Variants in ARHGAP44 observed in about 807,000 individuals in gnomAD.
The protein encoded by ARHGAP44 is rho GTPase-activating protein 44.
A neutral mutation model predicts 106.8 loss-of-function variants in ARHGAP44; 43 were observed. The observed-to-expected ratio is 0.40, with a 90% CI of 0.32 to 0.52. The LOEUF (loss-of-function observed/expected upper bound fraction) is 0.52, where lower values mean the gene tolerates loss of function less well. Ranked by LOEUF, ARHGAP44 falls within the 20% of genes least tolerant of loss-of-function variation. The pLI, the probability that ARHGAP44 is intolerant of heterozygous loss-of-function variation, is 0.48. For missense variants in ARHGAP44, 866 were observed against 1,050.5 expected, an observed-to-expected ratio of 0.82 and a Z score of 2.43; for synonymous variants, 439 against 410.3, an observed-to-expected ratio of 1.07 and a Z score of -0.85.
At chr17:12,941,672 A>G (rs2038712628) in intron 8 of ARHGAP44, among the ~76,000 whole-genome samples, 1 of 152,202 alleles carries the variant, frequency 6.6e-6, no homozygotes, top group Admixed American at 6.5e-5. Flanking sequence ...TGATAGGTAT[A>G]TGATGATTGA....
chr17:12,977,360 G>T (rs888768681), intron 18 of ARHGAP44, among the ~76,000 whole-genome samples: 3 of 151,898 alleles, frequency 2.0e-5, no homozygotes, highest in African/African-American at 7.3e-5. Context: ...TCGAGTGGCC[G>T]GATTCTCGTT....
intron 20 of ARHGAP44, chr17:12,988,257 G>A (rs533498649): frequency 1.3e-5 from 2 of 152,352 alleles, no homozygotes; most frequent in Middle Eastern, 3.4e-3. Flanking sequence ...ATTCATCACC[G>A]CCCTGTATTA....
At chr17:12,896,275 CAAAAA>C (rs139465622) in intron 2 of ARHGAP44, 127 bp from the exon 3 acceptor site, 1 of 708,058 alleles carries the variant, frequency 1.4e-6, no homozygotes, top group Non-Finnish European at 2.3e-6. Flanking sequence ...AACAAACAAA[CAAAAA>C]AACAAAGCTG....
At position 12,958,731 on chromosome 17, in the gene ARHGAP44, A is replaced by G. The variant is rs776985306; in HGVS notation, c.1357A>G (p.Ile453Val). Residue 453 changes from isoleucine to valine, a missense_variant, in exon 16 of 21, where the codon ATT (isoleucine) becomes GTT (valine). This residue lies in a region of ARHGAP44 where 448 missense variants were observed against 646.9 expected (regional missense o/e 0.69). Transcript: ENST00000379672. This position sits in a 1 kb window ranked among gnomAD's most constrained non-coding sequence, Gnocchi z 4.1. ...CTTCCCCGCAGAGATAGAGTTCAAC[A>G]TTACTGGCAATTATGGGAGTCCAGT... ...WFFPGEIEFNITGNYGSPVHV... is the reference protein window; with the variant it reads ...WFFPGEIEFNVTGNYGSPVHV... The G allele has an allele frequency of 2.5e-6, 4 of 1,613,824 alleles. No individual in the cohort carries two copies. The highest frequency in any genetic ancestry group is 4.5e-5 in the East Asian group (2 of 44,890).
intron 1 of ARHGAP44, among the ~76,000 whole-genome samples, chr17:12,876,024 A>T (rs1265375781): frequency 6.6e-6 from 1 of 152,238 alleles, no homozygotes; most frequent in African/African-American, 2.4e-5. Context: ...AGTTAGAGCT[A>T]GAAGCTCTAA....
chr17:12,895,023 T>C (rs1387251473), intron 2 of ARHGAP44, 44 bp downstream of exon 2: 1 of 1,554,558 alleles, frequency 6.4e-7, no homozygotes, highest in Non-Finnish European at 8.7e-7. Context: ...CAGAGATATA[T>C]GGGAGGCTGA....
intron 6 of ARHGAP44, among the ~76,000 whole-genome samples, chr17:12,926,938 G>A (rs923373098): frequency 5.9e-5 from 9 of 151,928 alleles, no homozygotes; most frequent in African/African-American, 2.2e-4. Flanking sequence ...ATGGCATCTC[G>A]TATTTTATTC....
intron 16 of ARHGAP44, among the ~76,000 whole-genome samples, chr17:12,962,572 G>A (rs1366002200): frequency 1.3e-5 from 2 of 152,094 alleles, no homozygotes; most frequent in Non-Finnish European, 2.9e-5. Context: ...TTATTAAGAG[G>A]GAGGCAGAGA....
At chr17:12,954,062 G>GTTTT (rs79278587) in intron 13 of ARHGAP44, among the ~76,000 whole-genome samples, 2 of 139,790 alleles carry the variant, frequency 1.4e-5, no homozygotes, top group African/African-American at 2.6e-5. Context: ...TAATTTTTGT[G>GTTTT]TTTTTTTTTT....
At chr17:12,804,026 G>A (rs1248438228) in intron 1 of ARHGAP44, among the ~76,000 whole-genome samples, 1 of 152,188 alleles carries the variant, frequency 6.6e-6, no homozygotes, top group African/African-American at 2.4e-5. Context: ...GGATGATAGG[G>A]CATCCAAAGG....
intron 12 of ARHGAP44, among the ~76,000 whole-genome samples, chr17:12,950,546 G>A (rs185007188): frequency 6.6e-6 from 1 of 152,182 alleles, no homozygotes; most frequent in African/African-American, 2.4e-5. Context: ...TCGGTTATGC[G>A]TGCATTAGGA....
intron 1 of ARHGAP44, among the ~76,000 whole-genome samples, chr17:12,816,099 G>C (rs1213030654): frequency 6.6e-6 from 1 of 152,140 alleles, no homozygotes; most frequent in Non-Finnish European, 1.5e-5. Flanking sequence ...ATTTGGAACA[G>C]TACCTTAGTT....
chr17:12,977,762 G>A (rs569946717), intron 18 of ARHGAP44, among the ~76,000 whole-genome samples: 5 of 152,066 alleles, frequency 3.3e-5, no homozygotes, highest in Non-Finnish European at 7.4e-5. Flanking sequence ...TGTCCGGGCC[G>A]GGCGTGGTAG....
chr17:12,872,641 T>G (rs558972548), intron 1 of ARHGAP44, among the ~76,000 whole-genome samples: 1 of 152,304 alleles, frequency 6.6e-6, no homozygotes, highest in South Asian at 2.1e-4. Flanking sequence ...AGCCTGATGG[T>G]TTTTTCCCCT....
At chr17:12,984,006 AT>A (rs1285258867) in intron 19 of ARHGAP44, among the ~76,000 whole-genome samples, 3 of 152,180 alleles carry the variant, frequency 2.0e-5, no homozygotes, top group Non-Finnish European at 4.4e-5. Context: ...TTGCTCACAT[AT>A]CACTGTTAGG....
At chr17:12,795,543 A>G (rs1208638470) in intron 1 of ARHGAP44, among the ~76,000 whole-genome samples, 1 of 151,062 alleles carries the variant, frequency 6.6e-6, no homozygotes, top group Admixed American at 6.6e-5. Context: ...TTTTTTAATG[A>G]TGGGCAATAA....
Position 12,979,085 on chromosome 17 carries a change from A to G in ARHGAP44, c.1764-973A>G, listed in dbSNP as rs540624556. On this transcript the variant is annotated intron_variant, in intron 18 of 20. Transcript: ENST00000379672. ...CACCTGTGGGCATCAGAATCCAGGT[A>G]GGTTCTAGCACGGATGACAGATGGC... Among the ~76,000 whole-genome samples, 4 of 152,330 alleles carry G rather than the reference A, an allele frequency of 2.6e-5. No homozygotes were observed. The East Asian group carries it at 5.8e-4, about 22-fold the overall frequency.
intron 1 of ARHGAP44, among the ~76,000 whole-genome samples, chr17:12,792,829 C>CT (rs1457055669): frequency 6.6e-6 from 1 of 152,186 alleles, no homozygotes; most frequent in East Asian, 1.9e-4. Context: ...GTTACTAGTA[C>CT]TTTCTCTCGA....
At position 12,958,519 on chromosome 17, in the gene ARHGAP44, A is replaced by G. The variant is rs740410; in HGVS notation, c.1343-198A>G. Among the ~76,000 whole-genome samples the G allele has an allele frequency of 0.15, 23,009 of 151,936 alleles. 3,780 individuals carry two copies. The highest frequency in any genetic ancestry group is 0.41 in the African/African-American group (16,898 of 41,322). On this transcript the variant is annotated intron_variant, in intron 15 of 20. Transcript: ENST00000379672. The surrounding 1 kb of genome is among the most constrained non-coding windows in gnomAD (Gnocchi z 4.1). ...TTCACAAATTGACATTGCTTTATTA[A>G]ATGCCTATATAGGTGATCACATGTG...
Sources: gnomAD v4.1 joint callset for allele counts (sites outside exome capture counted in the v4.1 genomes callset) on GRCh38, gnomAD v4.1.1 for gene constraint, gnomAD v4.1.1 regional missense constraint, Gnocchi (gnomAD v3.1) non-coding constraint, MANE v1.5 for transcripts, NCBI Gene and HGNC (gene_info 2026-07-23, HGNC 2026-07-21) for gene names.